The following FREM3 variants were observed in gnomAD, a reference collection of about 807,000 sequenced individuals.
FREM3 encodes the protein FRAS1-related extracellular matrix protein 3.
FREM3 carries 105 observed loss-of-function variants against 129.1 expected under a neutral mutation model. The observed-to-expected ratio is 0.81, with a 90% CI of 0.69 to 0.96. FREM3 has a LOEUF of 0.96. FREM3 is among the 40% of genes least tolerant of loss of function. FREM3 has a pLI of 0.00. For synonymous variants in FREM3, 1,014 were observed against 1,044.9 expected (o/e 0.97, Z 0.57); for missense variants, 2,593 against 2,666.3 (o/e 0.97, Z 0.61).
chr4:143,624,554 C>T (rs1475127226), intron 3 of FREM3, among the ~76,000 whole-genome samples: 2 of 152,122 alleles, frequency 1.3e-5, no homozygotes, highest in Non-Finnish European at 2.9e-5. Flanking sequence ...GGGGGATTGA[C>T]AGAAAGAAGA....
chr4:143,617,802 G>A (rs1288635865), intron 5 of FREM3, among the ~76,000 whole-genome samples: 1 of 152,168 alleles, frequency 6.6e-6, no homozygotes. Flanking sequence ...TTCCATTGGT[G>A]CACTGGGGCT....
At chr4:143,628,521 A>G (rs890377102) in intron 2 of FREM3, among the ~76,000 whole-genome samples, 5 of 152,158 alleles carry the variant, frequency 3.3e-5, no homozygotes, top group Admixed American at 6.5e-5. Context: ...CTGAGTTTCA[A>G]CTGATGGGCC....
At chr4:143,669,073 T>A (rs1160506803) in intron 2 of FREM3, among the ~76,000 whole-genome samples, 13 of 152,240 alleles carry the variant, frequency 8.5e-5, no homozygotes, top group Middle Eastern at 3.4e-3. Context: ...AACAGTGATT[T>A]TTGGTTTCTA....
intron 5 of FREM3, among the ~76,000 whole-genome samples, chr4:143,619,083 A>G (rs1738903929): frequency 6.6e-6 from 1 of 152,204 alleles, no homozygotes; most frequent in South Asian, 2.1e-4. Flanking sequence ...GTCCAGTTCA[A>G]GCTGTCGAGA....
intron 2 of FREM3, among the ~76,000 whole-genome samples, chr4:143,656,607 A>T (rs1358218371): frequency 1.3e-5 from 2 of 152,198 alleles, no homozygotes; most frequent in African/African-American, 4.8e-5. Flanking sequence ...CCAAATAGAC[A>T]AATCTATAGG....
chr4:143,579,121 C>T (rs985141223), intron 7 of FREM3, among the ~76,000 whole-genome samples: 4 of 151,242 alleles, frequency 2.6e-5, no homozygotes, highest in Non-Finnish European at 4.4e-5. Flanking sequence ...TGAGATTACT[C>T]CAAAAAATTT....
intron 6 of FREM3, among the ~76,000 whole-genome samples, chr4:143,591,546 G>A (rs79088497): frequency 0.71 from 107,195 of 151,762 alleles, 39,812 homozygotes; most frequent in Non-Finnish European, 0.83. Context: ...GTAGTTGAGC[G>A]GTTTTGAGTG....
In FREM3 at chr4:143,696,786, A is replaced by G. The variant is rs937701209; in HGVS notation, c.3890T>C (p.Ile1297Thr). ...TTCATCATCCACTAGGGTCACTACA[A>G]TGGGTACCTTCCTGTGGGTTGTGTG... ...GKHTTHRKVP[I>T]VVTLVDDETP... is the part of the protein sequence containing the mutation. Residue 1297 changes from isoleucine to threonine, a missense_variant, in exon 1 of 8, where the codon ATT (isoleucine) becomes ACT (threonine). Physicochemically the swap from Ile to Thr is moderately conservative, Grantham distance 89. This residue lies in a region of FREM3 where 2,276 missense variants were observed against 2,267.2 expected (regional missense o/e 1.00). Coordinates refer to ENST00000329798, the MANE Select transcript of FREM3 (RefSeq NM_001168235.2). 12 of 1,537,682 alleles carry G rather than the reference A, an allele frequency of 7.8e-6. No homozygotes were observed. The highest frequency in any genetic ancestry group is 4.9e-5 in the East Asian group (2 of 40,918).
chr4:143,660,695 A>T (rs1176029520), intron 2 of FREM3, among the ~76,000 whole-genome samples: 1 of 151,962 alleles, frequency 6.6e-6, no homozygotes, highest in Non-Finnish European at 1.5e-5. Flanking sequence ...TTTTCACGAT[A>T]TTGATTCTTC....
intron 2 of FREM3, among the ~76,000 whole-genome samples, chr4:143,663,329 T>C (rs1272635171): frequency 1.3e-5 from 2 of 152,138 alleles, no homozygotes; most frequent in Non-Finnish European, 2.9e-5. Context: ...ATTTTATTTC[T>C]CCTTCACTTA....
intron 2 of FREM3, among the ~76,000 whole-genome samples, chr4:143,692,413 T>G (rs1325035610): frequency 6.6e-6 from 1 of 152,170 alleles, no homozygotes; most frequent in African/African-American, 2.4e-5. Flanking sequence ...ATGATTTGTA[T>G]TGAAAGAGGT....
intron 6 of FREM3, among the ~76,000 whole-genome samples, chr4:143,593,900 G>T (rs570586927): frequency 6.6e-6 from 1 of 152,066 alleles, no homozygotes; most frequent in Non-Finnish European, 1.5e-5. Context: ...GAGCTTTCCA[G>T]CCGCTTTGGC....
chr4:143,628,590 T>A (rs907365774), intron 2 of FREM3, among the ~76,000 whole-genome samples: 2 of 152,192 alleles, frequency 1.3e-5, no homozygotes, highest in Non-Finnish European at 2.9e-5. Flanking sequence ...AATACAGCTT[T>A]ACTAACCAGT....
chr4:143,693,859 AC>A (rs1411745632), intron 1 of FREM3, among the ~76,000 whole-genome samples: 1 of 152,186 alleles, frequency 6.6e-6, no homozygotes, highest in Non-Finnish European at 1.5e-5. Context: ...TCCTTCACAA[AC>A]TAATTCACGA....
intron 7 of FREM3, among the ~76,000 whole-genome samples, chr4:143,583,401 T>C (rs746357315): frequency 1.3e-5 from 2 of 152,194 alleles, no homozygotes; most frequent in Non-Finnish European, 2.9e-5. Context: ...ATACTGTCCA[T>C]GCATATTTCC....
intron 6 of FREM3, among the ~76,000 whole-genome samples, chr4:143,603,655 C>T (rs2149837926): frequency 6.6e-6 from 1 of 152,068 alleles, no homozygotes; most frequent in South Asian, 2.1e-4. Flanking sequence ...AAAAAAAAAC[C>T]TTTTTATCTG....
At chr4:143,674,548 C>A (rs1207298328) in intron 2 of FREM3, among the ~76,000 whole-genome samples, 2 of 152,150 alleles carry the variant, frequency 1.3e-5, no homozygotes, top group African/African-American at 4.8e-5. Flanking sequence ...ACAATATTAA[C>A]CTTAAATGTA....
chr4:143,643,642 G>A (rs1395357568), intron 2 of FREM3, among the ~76,000 whole-genome samples: 1 of 152,044 alleles, frequency 6.6e-6, no homozygotes, highest in Non-Finnish European at 1.5e-5. Context: ...CAGAACAGTG[G>A]TTATCAGAGA....
rs774561361 is a variant in FREM3 at position 143,696,177 on chromosome 4, T to C, written c.4499A>G (p.His1500Arg). 35 of 1,537,814 alleles carry C rather than the reference T, an allele frequency of 2.3e-5. No homozygotes were observed. The South Asian group carries it at 4.0e-4, about 18-fold the overall frequency. The change falls in exon 1 of 8, where the codon CAT becomes CGT. Residue 1500 changes from histidine (H) to arginine (R), a missense_variant. Around this residue, in one of 2 missense-constraint regions of FREM3, gnomAD observed 2,276 missense variants for 2,267.2 expected, o/e 1.00. Coordinates refer to ENST00000329798, the MANE Select transcript of FREM3 (RefSeq NM_001168235.2). ...CATCTTTTTCTCATCATTTGAAGTATGGACATAGGATATTTTGTTGCTAGC... is the reference window on the plus strand; with the variant it reads ...CATCTTTTTCTCATCATTTGAAGTACGGACATAGGATATTTTGTTGCTAGC... ...QLASNKISYV[H>R]TSNDEKKMDS... is the part of the protein sequence containing the mutation.
Sources: gnomAD v4.1 joint callset for allele counts (sites outside exome capture counted in the v4.1 genomes callset) on GRCh38, gnomAD v4.1.1 for gene constraint, gnomAD v4.1.1 regional missense constraint, MANE v1.5 for transcripts, NCBI Gene and HGNC (gene_info 2026-07-23, HGNC 2026-07-21) for gene names.